RSRC2: variants seen among roughly 807,000 people sequenced by gnomAD.
RSRC2 encodes arginine/serine-rich coiled-coil protein 2.
Under a neutral mutation model 61.3 loss-of-function variants are expected in RSRC2, and 5 were observed. That is an observed-to-expected ratio of 0.08 (90% CI 0.04 to 0.17). The LOEUF is 0.17. Ranked by LOEUF, RSRC2 falls within the 10% of genes least tolerant of loss-of-function variation. The pLI is 1.00. For missense variants in RSRC2, 381 were observed against 518.8 expected (o/e 0.73, Z 2.58); for synonymous variants, 202 against 166.5 (o/e 1.21, Z -1.64).
At chr12:122,511,658 A>C (rs1958521474) in intron 6 of RSRC2, among the ~76,000 whole-genome samples, 1 of 152,230 alleles carries the variant, frequency 6.6e-6, no homozygotes, top group Non-Finnish European at 1.5e-5. Flanking sequence ...CAAAAAGCCA[A>C]AACTAAAAGG....
chr12:122,515,329 AC>A (rs1169516590), intron 5 of RSRC2, 102 bp from the exon 6 acceptor site: 2 of 1,183,174 alleles, frequency 1.7e-6, no homozygotes, highest in Non-Finnish European at 2.4e-6. Flanking sequence ...CGATACAAAA[AC>A]ATTTAGTTTG....
intron 8 of RSRC2, chr12:122,507,732 T>TC (rs1315629573): frequency 1.2e-5 from 2 of 167,350 alleles, no homozygotes; most frequent in African/African-American, 2.4e-5. Flanking sequence ...TTTTTTTTTT[T>TC]TTCCAGATGG....
intron 3 of RSRC2, 34 bp downstream of exon 3, chr12:122,521,351 T>A: frequency 6.6e-7 from 1 of 1,523,480 alleles, no homozygotes; most frequent in Non-Finnish European, 9.1e-7. Context: ...TATAAGTATT[T>A]TAAAGTACCT....
At chr12:122,506,618 C>A in intron 9 of RSRC2, 1 of 451,532 alleles carries the variant, frequency 2.2e-6, no homozygotes, top group East Asian at 3.6e-5. Flanking sequence ...AACCCCGTCT[C>A]TCTCTCTCTC....
intron 7 of RSRC2, 65 bp from the exon 8 acceptor site, chr12:122,508,512 A>T: frequency 8.1e-7 from 1 of 1,240,348 alleles, no homozygotes; most frequent in South Asian, 1.3e-5. Context: ...CCTGATTTAC[A>T]TTAACGAACG....
chr12:122,521,275 A>C, intron 3 of RSRC2, 110 bp downstream of exon 3: 1 of 734,514 alleles, frequency 1.4e-6, no homozygotes, highest in South Asian at 2.0e-5. Context: ...AAACCTTTTA[A>C]ATTTCAAGTT....
intron 1 of RSRC2, among the ~76,000 whole-genome samples, chr12:122,524,987 GCACTGGAT>G (rs1314994695): frequency 1.3e-5 from 2 of 152,178 alleles, no homozygotes; most frequent in Non-Finnish European, 1.5e-5. Flanking sequence ...AAGGAGGTAA[GCACTGGAT>G]TGAATACTAG....
In RSRC2 at chr12:122,505,675, T is replaced by C; in HGVS notation, c.1157A>G (p.Asp386Gly). The C allele has an allele frequency of 6.2e-7, 1 of 1,614,078 alleles. No individual in the cohort carries two copies. Among genetic ancestry groups the C allele is most frequent in the Non-Finnish European group, 8.5e-7 (1 of 1,179,986 alleles). Reference protein sequence around the residue: ...SEDEAGCSSVDEESYKTLKQQ... With the variant: ...SEDEAGCSSVGEESYKTLKQQ... ...CTTCAGAGTCTTGTAACTTTCTTCA[T>C]CAACTGAGCTACATCCAGCTTCATC... The change falls in exon 10 of 10, where the codon GAT becomes GGT. Residue 386 changes from aspartate (D) to glycine (G), a missense_variant. Around this residue, in one of 4 missense-constraint regions of RSRC2, gnomAD observed 78 missense variants for 183.0 expected, o/e 0.43. Transcript: ENST00000331738.
At chr12:122,508,472 G>A (rs771450859) in intron 7 of RSRC2, 25 bp from the exon 8 acceptor site, 4 of 1,555,604 alleles carry the variant, frequency 2.6e-6, no homozygotes, top group Admixed American at 3.6e-5. Flanking sequence ...TACAAAAATG[G>A]ATTTTAAAAC....
At chr12:122,506,684 T>C (rs113243698) in intron 9 of RSRC2, 150 bp downstream of exon 9, 3 of 634,218 alleles carry the variant, frequency 4.7e-6, no homozygotes, top group African/African-American at 1.8e-5. Flanking sequence ...TGTTTCAGAA[T>C]GGGATTGCTT....
At chr12:122,506,265 T>C (rs1266060169) in intron 9 of RSRC2, 1 of 152,500 alleles carries the variant, frequency 6.6e-6, no homozygotes, top group African/African-American at 2.4e-5. Context: ...TTTTGGGATA[T>C]GTATTTGATC....
Position 122,505,682 on chromosome 12 carries a change from A to C in RSRC2, c.1150T>G (p.Ser384Ala), listed in dbSNP as rs199539531. ...GTCTTGTAACTTTCTTCATCAACTG[A>C]GCTACATCCAGCTTCATCTTCACTC... ...IKSEDEAGCS[S>A]VDEESYKTLK... Residue 384 changes from serine (S) to alanine (A), a missense_variant, in exon 10 of 10, where the codon TCA (serine) becomes GCA (alanine). Physicochemically the swap from Ser to Ala is moderately conservative, Grantham distance 99 (BLOSUM62 1). Coordinates refer to ENST00000331738, the MANE Select transcript of RSRC2 (RefSeq NM_023012.6). The C allele has an allele frequency of 2.1e-4, 345 of 1,613,902 alleles. 1 individual carries two copies. The highest frequency in any genetic ancestry group is 2.9e-4 in the Non-Finnish European group (338 of 1,179,904).
Position 122,517,219 on chromosome 12 carries a change from T to A in RSRC2, c.602+8A>T. 2 of 1,614,106 alleles carry A rather than the reference T, an allele frequency of 1.2e-6. No homozygotes were observed. The highest frequency in any genetic ancestry group is 1.7e-6 in the Non-Finnish European group (2 of 1,179,952). ...TATTAAATTTTATTCAGGATGATGG[T>A]CACCTACCGACTCCTACTCCTTGTC... On this transcript the variant is annotated splice_region_variant and intron_variant, in intron 5 of 9. Coordinates refer to ENST00000331738, the MANE Select transcript of RSRC2 (RefSeq NM_023012.6).
intron 6 of RSRC2, among the ~76,000 whole-genome samples, chr12:122,513,229 AAAT>A (rs1565893799): frequency 1.6e-4 from 15 of 95,924 alleles, no homozygotes; most frequent in African/African-American, 4.9e-4. Flanking sequence ...ATAAATAAAT[AAAT>A]AAATAAATAA....
At chr12:122,509,150 A>G (rs1463199739) in intron 7 of RSRC2, among the ~76,000 whole-genome samples, 1 of 151,794 alleles carries the variant, frequency 6.6e-6, no homozygotes, top group Non-Finnish European at 1.5e-5. Context: ...TATACTTGAA[A>G]AACAGTATGC....
intron 8 of RSRC2, chr12:122,507,952 C>T (rs1038875492): frequency 1.0e-5 from 5 of 477,786 alleles, no homozygotes; most frequent in Non-Finnish European, 1.9e-5. Flanking sequence ...AGGTGTGTGC[C>T]ACCACACCCA....
chr12:122,512,883 TAGC>T (rs1209222905), intron 6 of RSRC2, among the ~76,000 whole-genome samples: 1 of 152,050 alleles, frequency 6.6e-6, no homozygotes. Flanking sequence ...GTTTGTAAAT[TAGC>T]AGTAACAATA....
rs1958487393 is a variant in RSRC2, at chr12:122,511,246, ATC to A, written c.726-60_726-59del. ...CACAATATAAAACCATTATGTATATATCTCTCTATATGTGCATGTACAGAGAC... is the reference window on the plus strand; with the variant it reads ...CACAATATAAAACCATTATGTATATATCTCTATATGTGCATGTACAGAGAC... On this transcript the variant is annotated intron_variant, in intron 6 of 9. Coordinates refer to ENST00000331738, the MANE Select transcript of RSRC2 (RefSeq NM_023012.6). The A allele has an allele frequency of 5.4e-6, 7 of 1,294,360 alleles. No homozygotes were observed. In the South Asian group the frequency reaches 6.3e-5, roughly 12 times the overall value. The allele number at this position is 1,294,360 out of a possible 1,614,324, so 80.2% of individuals were successfully genotyped here.
At chr12:122,521,213 ACAT>A (rs1959198452) in intron 3 of RSRC2, 169 bp downstream of exon 3, 1 of 492,492 alleles carries the variant, frequency 2.0e-6, no homozygotes, top group Non-Finnish European at 3.7e-6. Context: ...TTTCACATAA[ACAT>A]CTTCTTCAAA....
Sources: gnomAD v4.1 joint callset for allele counts (sites outside exome capture counted in the v4.1 genomes callset) on GRCh38, gnomAD v4.1.1 for gene constraint, gnomAD v4.1.1 regional missense constraint, MANE v1.5 for transcripts, NCBI Gene and HGNC (gene_info 2026-07-23, HGNC 2026-07-21) for gene names.